STIP1: variants seen among roughly 807,000 people sequenced by gnomAD.
STIP1 encodes stress-induced-phosphoprotein 1.
In STIP1, 16 loss-of-function variants were observed where a neutral mutation model predicts 77.4. The observed-to-expected ratio is 0.21, with a 90% confidence interval of 0.14 to 0.31. The LOEUF (loss-of-function observed/expected upper bound fraction) is 0.31. Among genes scored for constraint, STIP1 ranks in the 10% least tolerant of loss-of-function variants. STIP1 has a pLI of 1.00. For synonymous variants in STIP1, 258 were observed against 246.6 expected, an observed-to-expected ratio of 1.05 and a Z score of -0.44; for missense variants, 524 against 684.8, an observed-to-expected ratio of 0.77 and a Z score of 2.62.
At chr11:64,192,781 C>T (rs1826437024) in intron 1 of STIP1, among the ~76,000 whole-genome samples, 1 of 152,204 alleles carries the variant, frequency 6.6e-6, no homozygotes, top group African/African-American at 2.4e-5. Context: ...GCATGTGGCA[C>T]ATTCTGGAGT....
rs931240671 is a variant in STIP1 at position 64,202,628 on chromosome 11, T to C, written c.1246-248T>C. 7.3e-6 allele frequency: 4 copies of C among 551,682 alleles called. No individual in the cohort carries two copies. The Admixed American group carries it at 9.6e-5, about 13-fold the overall frequency. 34.2% of individuals were successfully genotyped at this position (551,682 alleles called of 1,614,324 possible). A position where few individuals can be genotyped will look rare whatever the true frequency, so the allele number is the denominator to read the frequency against. On this transcript the variant is annotated intron_variant, in intron 10 of 13. Coordinates refer to ENST00000305218, the MANE Select transcript of STIP1 (RefSeq NM_006819.3). ...GCCCACGCATTTTGTCTAGTTGTCA[T>C]GTACTCTTCAGTTTCTCAAACTGGA...
chr11:64,191,526 A>C (rs949787853), intron 1 of STIP1, among the ~76,000 whole-genome samples: 2 of 152,132 alleles, frequency 1.3e-5, no homozygotes, highest in African/African-American at 2.4e-5. Flanking sequence ...GAATCGCTTG[A>C]ACCTAGGAGG....
chr11:64,185,431 G>A (rs751963505), upstream of STIP1: 87 of 220,032 alleles, frequency 4.0e-4, 1 homozygote, highest in Middle Eastern at 1.8e-3. Context: ...TGGCATTTCC[G>A]GAACATTCAG....
intron 1 of STIP1, among the ~76,000 whole-genome samples, chr11:64,189,354 G>A (rs1011961685): frequency 2.0e-5 from 3 of 150,506 alleles, no homozygotes; most frequent in Non-Finnish European, 4.4e-5. Context: ...GCGAGACTCC[G>A]TCTCAAAAAA....
upstream of STIP1, chr11:64,185,311 C>T (rs1474220753): frequency 6.2e-6 from 1 of 162,090 alleles, no homozygotes; most frequent in Non-Finnish European, 1.4e-5. Flanking sequence ...GACCGGCGCG[C>T]TGAGAAAGGG....
Position 64,199,082 on chromosome 11 carries a change from C to T in STIP1, c.1024-858C>T, listed in dbSNP as rs192657538. Reference sequence around the variant, plus strand: ...GGGCGCAGTGGCAGGCGCCTGTAATCCCAATTACTCAGGAGGATGAGGCAG... The same window carrying T: ...GGGCGCAGTGGCAGGCGCCTGTAATTCCAATTACTCAGGAGGATGAGGCAG... On this transcript the variant is annotated intron_variant, in intron 8 of 13. Transcript: ENST00000305218. 6.6e-3 allele frequency among the ~76,000 whole-genome samples: 1,000 copies of T among 151,872 alleles called. 6 individuals are homozygous for T. The highest frequency in any genetic ancestry group is 0.012 in the Non-Finnish European group (782 of 67,970).
At chr11:64,197,121 G>T (rs1946159412) in intron 5 of STIP1, 150 bp from the exon 6 acceptor site, 2 of 985,738 alleles carry the variant, frequency 2.0e-6, no homozygotes, top group South Asian at 1.7e-5. Flanking sequence ...ATACTTTATT[G>T]TCTATAGCTG....
At chr11:64,195,959 C>T in intron 5 of STIP1, 146 bp downstream of exon 5, 1 of 1,187,450 alleles carries the variant, frequency 8.4e-7, no homozygotes, top group Non-Finnish European at 1.2e-6. Context: ...CCAGGTTGGT[C>T]TTGAACTTCT....
chr11:64,186,940 A>C (rs1472472108), intron 1 of STIP1, among the ~76,000 whole-genome samples: 2 of 152,144 alleles, frequency 1.3e-5, no homozygotes, highest in Non-Finnish European at 2.9e-5. Context: ...GACGAATTCC[A>C]TCTCTGACAG....
intron 2 of STIP1, 121 bp from the exon 3 acceptor site, chr11:64,194,068 T>C: frequency 7.2e-7 from 1 of 1,381,568 alleles, no homozygotes; most frequent in South Asian, 1.4e-5. Flanking sequence ...TTTTTTTCTC[T>C]TTGGCCTTCA....
chr11:64,198,590 G>A (rs1325848497), intron 8 of STIP1, among the ~76,000 whole-genome samples: 4 of 151,832 alleles, frequency 2.6e-5, no homozygotes, highest in African/African-American at 4.8e-5. Context: ...CAAGTGATCC[G>A]CCCTCCTCAG....
intron 9 of STIP1, 25 bp downstream of exon 9, chr11:64,200,061 G>C: frequency 6.2e-7 from 1 of 1,614,164 alleles, no homozygotes; most frequent in Non-Finnish European, 8.5e-7. Flanking sequence ...TGGGGGATTG[G>C]GGGAGCAGTG....
rs1026328735 is a variant in STIP1, at chr11:64,194,374, A to G, written c.361+44A>G. ...TTTCTTTCTTATTATTAATGTGATT[A>G]ATTTTGAGTCTTCACCCCTGAGAAA... On this transcript the variant is annotated intron_variant, in intron 3 of 13. Coordinates refer to ENST00000305218, the MANE Select transcript of STIP1 (RefSeq NM_006819.3). The G allele has an allele frequency of 5.0e-6, 8 of 1,610,984 alleles. No individual in the cohort carries two copies. In the Admixed American group the frequency reaches 6.7e-5, roughly 14 times the overall value.
chr11:64,193,040 G>T (rs763142661), intron 1 of STIP1, 38 bp from the exon 2 acceptor site: 34 of 1,586,300 alleles, frequency 2.1e-5, no homozygotes, highest in Non-Finnish European at 2.7e-5. Context: ...GATTAAATGG[G>T]CACATCATAG....
rs763779311 is a variant in STIP1, at chr11:64,193,180, C to G, written c.112C>G (p.His38Asp). 1 of 1,614,178 alleles carries G rather than the reference C, an allele frequency of 6.2e-7. No homozygotes were observed. The change falls in exon 2 of 14, where the codon CAC (histidine) becomes GAC (aspartate). Residue 38 changes from histidine to aspartate, a missense_variant. Coordinates refer to ENST00000305218, the MANE Select transcript of STIP1 (RefSeq NM_006819.3). ...AGCTATTAAGCTGGATCCCCACAACCACGTGCTGTACAGCAACCGTTCTGC... is the reference window on the plus strand; with the variant it reads ...AGCTATTAAGCTGGATCCCCACAACGACGTGCTGTACAGCAACCGTTCTGC... ...SEAIKLDPHNHVLYSNRSAAY... is the reference protein window; with the variant it reads ...SEAIKLDPHNDVLYSNRSAAY...
chr11:64,200,343 G>C, intron 10 of STIP1, 50 bp downstream of exon 10: 1 of 1,563,328 alleles, frequency 6.4e-7, no homozygotes, highest in Non-Finnish European at 8.6e-7. Flanking sequence ...CACATGAGGA[G>C]TGGGTTTTCT....
rs1463635827 is a variant in STIP1, at chr11:64,203,550, A to G, written c.1487A>G (p.Gln496Arg). 2 of 1,614,224 alleles carry G rather than the reference A, an allele frequency of 1.2e-6. No homozygotes were observed. The highest frequency in any genetic ancestry group is 1.7e-5 in the Admixed American group (1 of 60,026). The change falls in exon 13 of 14, where the codon CAG becomes CGG. Residue 496 changes from glutamine to arginine, a missense_variant. Gln to Arg is a conservative substitution (Grantham distance 43). Coordinates refer to ENST00000305218, the MANE Select transcript of STIP1 (RefSeq NM_006819.3). ...KRRAMADPEV[Q>R]QIMSDPAMRL... is the part of the protein sequence containing the mutation. ...CGAGCCATGGCCGACCCTGAGGTGC[A>G]GCAGATCATGAGTGACCCAGCCATG...
chr11:64,197,118 A>ATT, intron 5 of STIP1, 153 bp from the exon 6 acceptor site: 2 of 945,008 alleles, frequency 2.1e-6, no homozygotes, highest in Non-Finnish European at 3.1e-6. Context: ...CTGATACTTT[A>ATT]TTGTCTATAG....
upstream of STIP1, chr11:64,185,972 T>C: frequency 1.3e-6 from 2 of 1,539,422 alleles, no homozygotes; most frequent in Non-Finnish European, 1.7e-6. Flanking sequence ...GAGCCTGAGA[T>C]GGGTGGGTTT....
Sources: allele counts gnomAD v4.1 joint callset (sites outside exome capture counted in the v4.1 genomes callset), GRCh38; gene constraint gnomAD v4.1.1; transcripts MANE v1.5; gene names NCBI Gene and HGNC (gene_info 2026-07-23, HGNC 2026-07-21).